The following UNC13C variants were observed in gnomAD, a reference collection of about 807,000 sequenced individuals.
The protein encoded by UNC13C is protein unc-13 homolog C.
Under a neutral mutation model 245.4 loss-of-function variants are expected in UNC13C, and 174 were observed. That is an observed-to-expected ratio of 0.71 (90% confidence interval 0.63 to 0.80). UNC13C has a LOEUF of 0.80. Among genes scored for constraint, UNC13C ranks in the 30% least tolerant of loss-of-function variants. The probability of loss-of-function intolerance (pLI) is 0.00; values close to 1 mark genes in which losing one functional copy is unlikely to be tolerated. For synonymous variants in UNC13C, 992 were observed against 895.1 expected (o/e 1.11, Z -1.93); for missense variants, 2,829 against 2,602.9 (o/e 1.09, Z -1.89).
At chr15:54,476,627 A>G (rs1048179372) in intron 19 of UNC13C, among the ~76,000 whole-genome samples, 29 of 151,774 alleles carry the variant, frequency 1.9e-4, no homozygotes, top group South Asian at 2.1e-4. Context: ...GTAGATATGC[A>G]GCGTTGTTTC....
intron 1 of UNC13C, among the ~76,000 whole-genome samples, chr15:53,983,462 T>A (rs1894006361): frequency 6.6e-6 from 1 of 152,098 alleles, no homozygotes; most frequent in Admixed American, 6.6e-5. Flanking sequence ...AGGCAAAATA[T>A]ATGGATAACT....
At chr15:54,478,098 G>A (rs897609122) in intron 19 of UNC13C, among the ~76,000 whole-genome samples, 1 of 151,830 alleles carries the variant, frequency 6.6e-6, no homozygotes, top group African/African-American at 2.4e-5. Flanking sequence ...TATTTGCGTA[G>A]AGGTGTTTGT....
At position 54,004,465 on chromosome 15, in the gene UNC13C, A is replaced by G. The variant is rs546054317; in HGVS notation, c.-256-8183A>G. Among the ~76,000 whole-genome samples, 22 of 152,368 alleles carry G rather than the reference A, an allele frequency of 1.4e-4. 1 individual carries two copies. The East Asian group carries it at 1.5e-3, about 11-fold the overall frequency. On this transcript the variant is annotated intron_variant, in intron 1 of 32. Transcript: ENST00000260323. ...TGTCTATTGTGAACAGTACTTCAACAGGCATGGGATTGCAGATATCTCTTT... is the reference window on the plus strand; with the variant it reads ...TGTCTATTGTGAACAGTACTTCAACGGGCATGGGATTGCAGATATCTCTTT...
intron 19 of UNC13C, among the ~76,000 whole-genome samples, chr15:54,423,096 A>C (rs1473978512): frequency 1.3e-5 from 2 of 151,734 alleles, no homozygotes; most frequent in African/African-American, 4.8e-5. Flanking sequence ...ATACATGAAG[A>C]TATTACATGT....
chr15:54,363,621 A>T (rs1296147014), intron 17 of UNC13C, among the ~76,000 whole-genome samples: 5 of 152,224 alleles, frequency 3.3e-5, no homozygotes, highest in Non-Finnish European at 7.3e-5. Flanking sequence ...GCATGGCATG[A>T]TCAGATATGT....
chr15:54,447,306 T>C (rs978326271), intron 19 of UNC13C, among the ~76,000 whole-genome samples: 3 of 152,202 alleles, frequency 2.0e-5, no homozygotes, highest in African/African-American at 7.2e-5. Flanking sequence ...TAGGGAGGAT[T>C]CCCTCTTTTT....
the UNC13C span, among the ~76,000 whole-genome samples, chr15:53,934,558 C>T: frequency 1.3e-5 from 2 of 152,176 alleles, no homozygotes; most frequent in East Asian, 1.9e-4. Flanking sequence ...TCAGCTATTT[C>T]TAGACAACTG....
At chr15:54,368,767 C>A (rs911287228) in intron 17 of UNC13C, among the ~76,000 whole-genome samples, 1 of 152,088 alleles carries the variant, frequency 6.6e-6, no homozygotes, top group Middle Eastern at 3.2e-3. Flanking sequence ...TTTTGTTTCA[C>A]AGAATAGACC....
chr15:54,008,960 A>C (rs1895260462), intron 1 of UNC13C, among the ~76,000 whole-genome samples: 1 of 152,136 alleles, frequency 6.6e-6, no homozygotes, highest in Non-Finnish European at 1.5e-5. Context: ...AGGATTACGG[A>C]GATAATTTAA....
At chr15:54,155,125 A>G (rs1386368815) in intron 4 of UNC13C, among the ~76,000 whole-genome samples, 1 of 152,206 alleles carries the variant, frequency 6.6e-6, no homozygotes, top group Non-Finnish European at 1.5e-5. Context: ...TCCAAAACTC[A>G]GTGGCTTAAA....
intron 19 of UNC13C, among the ~76,000 whole-genome samples, chr15:54,481,673 G>T (rs1893126949): frequency 6.6e-6 from 1 of 152,114 alleles, no homozygotes; most frequent in Non-Finnish European, 1.5e-5. Flanking sequence ...GGATGGGCCT[G>T]TCTTTGGGTC....
At chr15:54,500,030 T>A in intron 20 of UNC13C, 49 bp from the exon 21 acceptor site, 1 of 1,343,380 alleles carries the variant, frequency 7.4e-7, no homozygotes, top group Non-Finnish European at 1.0e-6. Flanking sequence ...CTGTTAATTT[T>A]ATGCAAATGA....
rs574821408 is a variant in UNC13C, at chr15:54,172,213, C to T, written c.3071+28529C>T. On this transcript the variant is annotated intron_variant, in intron 4 of 32. Transcript: ENST00000260323. Reference sequence around the variant, plus strand: ...GACAGCACAATGAGGTGACTGCAGTCAATAATGTATTATACATTTTAAAAT... The same window carrying T: ...GACAGCACAATGAGGTGACTGCAGTTAATAATGTATTATACATTTTAAAAT... Among the ~76,000 whole-genome samples, 3 of 151,794 alleles carry T rather than the reference C, an allele frequency of 2.0e-5. No homozygotes were observed. In the South Asian group the frequency reaches 6.3e-4, roughly 32 times the overall value.
At position 54,265,479 on chromosome 15, in the gene UNC13C, G is replaced by A; in HGVS notation, c.3801G>A (p.Trp1267Ter). ...KTIFGNLNPV[W>*]DEKFYFECHN... ...TTTTTGGAAATTTGAATCCAGTATGGGATGAGAAGTTTTATTTGTGAGTAT... is the reference window on the plus strand; with the variant it reads ...TTTTTGGAAATTTGAATCCAGTATGAGATGAGAAGTTTTATTTGTGAGTAT... The change falls in exon 10 of 33, where the codon TGG becomes TGA. Residue 1267 changes from tryptophan to a stop codon, truncating the protein, a stop_gained. Transcript: ENST00000260323. LOFTEE classifies it high-confidence loss of function. The A allele has an allele frequency of 6.5e-7, 1 of 1,545,180 alleles. No individual in the cohort carries two copies. Among genetic ancestry groups the A allele is most frequent in the South Asian group, 1.2e-5 (1 of 82,306 alleles).
chr15:54,208,411 AG>A (rs1481046121), intron 4 of UNC13C, among the ~76,000 whole-genome samples: 6 of 152,242 alleles, frequency 3.9e-5, no homozygotes, highest in African/African-American at 1.4e-4. Flanking sequence ...CCAAATAATA[AG>A]GGCTGCATAA....
At chr15:54,508,363 G>A (rs1894577125) in intron 23 of UNC13C, among the ~76,000 whole-genome samples, 1 of 152,040 alleles carries the variant, frequency 6.6e-6, no homozygotes, top group Non-Finnish European at 1.5e-5. Context: ...AGGCAAATTA[G>A]TTTTTAAAAG....
the UNC13C span, among the ~76,000 whole-genome samples, chr15:53,861,280 G>A: frequency 9.2e-5 from 14 of 152,124 alleles, no homozygotes; most frequent in East Asian, 2.7e-3. Context: ...TATCTAAAAG[G>A]TAAGAATCGA....
At chr15:54,540,511 G>T (rs1467964904) in intron 26 of UNC13C, among the ~76,000 whole-genome samples, 1 of 152,044 alleles carries the variant, frequency 6.6e-6, no homozygotes, top group African/African-American at 2.4e-5. Context: ...GAATTAAAGA[G>T]GCATTTGCTA....
chr15:54,019,554 T>A (rs1034095552), intron 2 of UNC13C, among the ~76,000 whole-genome samples: 1 of 152,220 alleles, frequency 6.6e-6, no homozygotes, highest in African/African-American at 2.4e-5. Flanking sequence ...TGATACACTT[T>A]ACCTGAAATC....
Sources: allele counts gnomAD v4.1 joint callset (sites outside exome capture counted in the v4.1 genomes callset), GRCh38; gene constraint gnomAD v4.1.1; transcripts MANE v1.5; gene names NCBI Gene and HGNC (gene_info 2026-07-23, HGNC 2026-07-21).